Variants in CYP4B1 observed in about 807,000 individuals in gnomAD.
The protein encoded by CYP4B1 is cytochrome P450 family 4 subfamily B member 1.
Under a neutral mutation model 54.0 loss-of-function variants are expected in CYP4B1, and 45 were observed. The ratio of observed to expected loss-of-function variants is 0.83; its 90% confidence interval spans 0.66 to 1.07. The LOEUF (loss-of-function observed/expected upper bound fraction) is 1.07, where lower values mean the gene tolerates loss of function less well. Among genes scored for constraint, CYP4B1 ranks in the 50% least tolerant of loss-of-function variants. The pLI, the probability that CYP4B1 is intolerant of heterozygous loss-of-function variation, is 0.00. For synonymous variants in CYP4B1, 248 were observed against 247.5 expected, an observed-to-expected ratio of 1.00 and a Z score of -0.02; for missense variants, 656 against 655.4, an observed-to-expected ratio of 1.00 and a Z score of -0.01.
In CYP4B1 at chr1:46,815,197, C is replaced by G; in HGVS notation, c.1006C>G (p.Pro336Ala). 1 of 1,609,118 alleles carries G rather than the reference C, an allele frequency of 6.2e-7. No homozygotes were observed. Among genetic ancestry groups the G allele is most frequent in the Non-Finnish European group, 8.5e-7 (1 of 1,177,472 alleles). The change falls in exon 8 of 12, where the codon CCT becomes GCT. Residue 336 changes from proline to alanine, a missense_variant. Physicochemically the swap from Pro to Ala is conservative, Grantham distance 27. Transcript: ENST00000371923. ...SWFLYCMALYPEHQHRCREEV... is the reference protein window; with the variant it reads ...SWFLYCMALYAEHQHRCREEV... ...GTTTCTCTACTGCATGGCCCTGTAC[C>G]CTGAGCACCAGCATCGTTGTAGAGA...
At chr1:46,818,545 T>C (rs759945499) in intron 11 of CYP4B1, 86 bp from the exon 12 acceptor site, 48 of 1,360,820 alleles carry the variant, frequency 3.5e-5, no homozygotes, top group Middle Eastern at 1.8e-4. Context: ...AAAACAGTTA[T>C]TGACTTTTGT....
intron 1 of CYP4B1, among the ~76,000 whole-genome samples, chr1:46,802,265 C>T (rs976830756): frequency 3.3e-5 from 5 of 152,142 alleles, no homozygotes; most frequent in African/African-American, 1.2e-4. Flanking sequence ...AGGCCTCTTT[C>T]CCAGCCATGC....
At chr1:46,811,378 C>T (rs1379202059) in intron 3 of CYP4B1, among the ~76,000 whole-genome samples, 194 bp downstream of exon 3, 1 of 152,246 alleles carries the variant, frequency 6.6e-6, no homozygotes, top group African/African-American at 2.4e-5. Flanking sequence ...AAGGCATCTT[C>T]TCTGGCAGGG....
At chr1:46,807,207 C>T (rs759786246) in intron 1 of CYP4B1, among the ~76,000 whole-genome samples, 21 of 152,132 alleles carry the variant, frequency 1.4e-4, no homozygotes, top group African/African-American at 3.4e-4. Context: ...AAGCTGGCTG[C>T]GACCTCGATC....
chr1:46,810,873 A>T lies in CYP4B1; in HGVS notation c.246A>T (p.Pro82=). 2.5e-6 allele frequency: 4 copies of T among 1,613,758 alleles called. No homozygotes were observed. Among genetic ancestry groups the T allele is most frequent in the Non-Finnish European group, 3.4e-6 (4 of 1,179,936 alleles). The part of the protein sequence containing the change: ...SWAHQFPYAH[P]LWFGQFIGFL... ...CCCACCAGTTCCCGTATGCCCACCC[A>T]CTCTGGTTCGGACAGTTCATTGGCT... The change falls in exon 2 of 12, where the codon CCA becomes CCT. Residue 82 remains proline, a synonymous_variant. Coordinates refer to ENST00000371923, the MANE Select transcript of CYP4B1 (RefSeq NM_001099772.2).
At chr1:46,810,493 T>G (rs1679053642) in intron 1 of CYP4B1, among the ~76,000 whole-genome samples, 1 of 152,160 alleles carries the variant, frequency 6.6e-6, no homozygotes, top group Non-Finnish European at 1.5e-5. Context: ...AGAGCTTTAA[T>G]GTGGAGAAGA....
chr1:46,815,325 C>G, intron 8 of CYP4B1, 61 bp downstream of exon 8: 1 of 1,421,698 alleles, frequency 7.0e-7, no homozygotes, highest in South Asian at 1.5e-5. Context: ...GATGCCCATC[C>G]TGTCCTGAAC....
At chr1:46,817,382 G>T in intron 9 of CYP4B1, 1 of 621,464 alleles carries the variant, frequency 1.6e-6, no homozygotes, top group South Asian at 2.0e-5. Context: ...TGTAAAATGG[G>T]GATGAGAAGA....
intron 8 of CYP4B1, 148 bp downstream of exon 8, chr1:46,815,412 G>A (rs555752365): frequency 2.4e-4 from 162 of 677,822 alleles, no homozygotes; most frequent in Non-Finnish European, 3.1e-4. Flanking sequence ...GGTGGGGGGT[G>A]GGGAGAGTGG....
intron 1 of CYP4B1, among the ~76,000 whole-genome samples, chr1:46,806,248 T>C (rs1339778455): frequency 2.6e-5 from 4 of 152,220 alleles, no homozygotes; most frequent in East Asian, 1.9e-4. Flanking sequence ...AACTATGACA[T>C]GCTGCCGAAA....
Position 46,818,883 on chromosome 1 carries a change from G to T in CYP4B1, c.*69G>T. On this transcript the variant is annotated 3_prime_UTR_variant, in exon 12 of 12. Transcript: ENST00000371923. ...CCTGGGCACCACCCTCCCCAGGCTGGGTGTGGAGGAGTTGGGGCCCCCTGC... is the reference window on the plus strand; with the variant it reads ...CCTGGGCACCACCCTCCCCAGGCTGTGTGTGGAGGAGTTGGGGCCCCCTGC... The T allele has an allele frequency of 1.3e-6, 2 of 1,545,980 alleles. No homozygotes were observed. The highest frequency in any genetic ancestry group is 1.8e-6 in the Non-Finnish European group (2 of 1,134,292).
At chr1:46,803,835 C>T (rs1678753890) in intron 1 of CYP4B1, among the ~76,000 whole-genome samples, 1 of 152,178 alleles carries the variant, frequency 6.6e-6, no homozygotes, top group Non-Finnish European at 1.5e-5. Context: ...GAGAAAACGA[C>T]ATTCCATATT....
intron 8 of CYP4B1, 143 bp downstream of exon 8, chr1:46,815,407 G>A: frequency 2.8e-6 from 2 of 716,112 alleles, no homozygotes; most frequent in Non-Finnish European, 4.2e-6. Flanking sequence ...GTGGTGGTGG[G>A]GGGTGGGGAG....
In CYP4B1 at chr1:46,818,131, G is replaced by A. The variant is rs148403337; in HGVS notation, c.1273G>A (p.Val425Ile). The A allele has an allele frequency of 1.2e-4, 197 of 1,614,162 alleles. 3 individuals are homozygous for A. The African/African-American group carries it at 2.0e-3, about 16-fold the overall frequency. The change falls in exon 11 of 12, where the codon GTC becomes ATC. Residue 425 changes from valine (V) to isoleucine (I), a missense_variant and splice_region_variant. Coordinates refer to ENST00000371923, the MANE Select transcript of CYP4B1 (RefSeq NM_001099772.2). ...GTTTAAGCAAGGCCTGTCCCTTCAG[G>A]TCTTTGACTCTCTGCGCTTTTCCAC... ...RNSAVWPDPE[V>I]FDSLRFSTEN...
At chr1:46,816,413 A>G (rs1278260999) in intron 8 of CYP4B1, among the ~76,000 whole-genome samples, 1 of 152,182 alleles carries the variant, frequency 6.6e-6, no homozygotes, top group East Asian at 1.9e-4. Flanking sequence ...ACGTCATTCC[A>G]TCTAGAGCTT....
chr1:46,818,452 A>G (rs1679425653), intron 11 of CYP4B1, among the ~76,000 whole-genome samples, 179 bp from the exon 12 acceptor site: 1 of 152,116 alleles, frequency 6.6e-6, no homozygotes, highest in African/African-American at 2.4e-5. Context: ...ATGTGAATCT[A>G]CCTGGTCTGG....
chr1:46,818,722 C>A lies in CYP4B1; in HGVS notation c.1447C>A (p.Arg483=). 1 of 1,614,180 alleles carries A rather than the reference C, an allele frequency of 6.2e-7. No individual in the cohort carries two copies. Among genetic ancestry groups the A allele is most frequent in the Non-Finnish European group, 8.5e-7 (1 of 1,180,030 alleles). ...LRFEFSLDPS[R]LPIKMPQLVL... ...CTTTGAGTTCTCTCTGGACCCCTCA[C>A]GGCTGCCCATCAAGATGCCCCAGCT... Residue 483 remains arginine, a synonymous_variant, in exon 12 of 12, where the codon CGG becomes AGG. Coordinates refer to ENST00000371923, the MANE Select transcript of CYP4B1 (RefSeq NM_001099772.2).
chr1:46,804,115 G>A (rs536084309), intron 1 of CYP4B1, among the ~76,000 whole-genome samples: 1 of 152,296 alleles, frequency 6.6e-6, no homozygotes, highest in East Asian at 1.9e-4. Flanking sequence ...AGCTTTCAGG[G>A]AGAAGACGCA....
rs541356244 is a variant in CYP4B1 at position 46,812,847 on chromosome 1, C to T, written c.495+224C>T. 5.3e-5 allele frequency among the ~76,000 whole-genome samples: 8 copies of T among 152,282 alleles called. No homozygotes were observed. In the East Asian group the frequency reaches 7.7e-4, roughly 15 times the overall value. On this transcript the variant is annotated intron_variant, in intron 4 of 11. Coordinates refer to ENST00000371923, the MANE Select transcript of CYP4B1 (RefSeq NM_001099772.2). ...TGAATCTCTAAGTGTCCTGGCAGCC[C>T]GATCCTTGTCTCCACCAGGAGACCC...
Sources: gnomAD v4.1 joint callset for allele counts (sites outside exome capture counted in the v4.1 genomes callset) on GRCh38, gnomAD v4.1.1 for gene constraint, MANE v1.5 for transcripts, NCBI Gene and HGNC (gene_info 2026-07-23, HGNC 2026-07-21) for gene names.